TMEM132B: variants seen among roughly 807,000 people sequenced by gnomAD.
TMEM132B encodes transmembrane protein 132B.
TMEM132B carries 18 observed loss-of-function variants against 90.8 expected under a neutral mutation model. The observed-to-expected ratio is 0.20, with a 90% CI of 0.14 to 0.29. TMEM132B has a LOEUF of 0.29. TMEM132B is among the 10% of genes least tolerant of loss of function. The pLI is 1.00. For synonymous variants in TMEM132B, 504 were observed against 523.3 expected, an observed-to-expected ratio of 0.96 and a Z score of 0.50; for missense variants, 1,096 against 1,326.8, an observed-to-expected ratio of 0.83 and a Z score of 2.70.
intron 1 of TMEM132B, among the ~76,000 whole-genome samples, chr12:125,195,717 A>G (rs940117680): frequency 1.3e-5 from 2 of 152,032 alleles, no homozygotes; most frequent in African/African-American, 4.8e-5. Flanking sequence ...AGTTTTATAC[A>G]GCAGAGTCAG....
chr12:125,530,743 G>T (rs949421868), intron 4 of TMEM132B, among the ~76,000 whole-genome samples: 7 of 152,204 alleles, frequency 4.6e-5, no homozygotes, highest in African/African-American at 1.7e-4. Flanking sequence ...AGCTGTGTGT[G>T]TGTGTCTGTG....
chr12:125,338,488 G>T (rs1164463988), intron 1 of TMEM132B, among the ~76,000 whole-genome samples: 1 of 152,166 alleles, frequency 6.6e-6, no homozygotes, highest in African/African-American at 2.4e-5. Context: ...AAGCATTCTG[G>T]TTTTTCCTGA....
chr12:125,528,417 C>T (rs1289664210), intron 4 of TMEM132B, among the ~76,000 whole-genome samples: 1 of 152,252 alleles, frequency 6.6e-6, no homozygotes, highest in East Asian at 1.9e-4. Flanking sequence ...GGGCTCAGCA[C>T]AGGCTACAAT....
At chr12:125,651,593 G>A (rs1886925597) in intron 7 of TMEM132B, among the ~76,000 whole-genome samples, 2 of 152,164 alleles carry the variant, frequency 1.3e-5, no homozygotes, top group South Asian at 4.1e-4. Flanking sequence ...TATGTTCTGT[G>A]TTTTCTATTC....
chr12:125,590,948 T>TC (rs1318077731), intron 5 of TMEM132B, among the ~76,000 whole-genome samples: 7 of 152,184 alleles, frequency 4.6e-5, no homozygotes, highest in African/African-American at 9.7e-5. Flanking sequence ...TCCTATGACC[T>TC]CAACCTCTGT....
intron 1 of TMEM132B, among the ~76,000 whole-genome samples, chr12:125,294,706 G>T (rs539301761): frequency 5.3e-5 from 8 of 152,326 alleles, no homozygotes; most frequent in Admixed American, 5.2e-4. Flanking sequence ...GCCCAAGGTG[G>T]TAAGCAGCCA....
intron 3 of TMEM132B, among the ~76,000 whole-genome samples, chr12:125,479,350 C>A (rs531081063): frequency 6.6e-6 from 1 of 152,280 alleles, no homozygotes; most frequent in South Asian, 2.1e-4. Flanking sequence ...CATTAGTGTG[C>A]TGTATTTAGG....
At chr12:125,212,013 G>A (rs907779557) in intron 1 of TMEM132B, among the ~76,000 whole-genome samples, 1 of 152,224 alleles carries the variant, frequency 6.6e-6, no homozygotes, top group Non-Finnish European at 1.5e-5. Context: ...AGAATGTGTG[G>A]ATTTGGTCAC....
At chr12:125,474,147 C>T (rs1423252069) in intron 3 of TMEM132B, among the ~76,000 whole-genome samples, 1 of 147,656 alleles carries the variant, frequency 6.8e-6, no homozygotes, top group Non-Finnish European at 1.5e-5. Context: ...TCTCGCCTTC[C>T]TGCCTTCTTT....
chr12:125,539,286 CT>C (rs1232558703), intron 4 of TMEM132B, among the ~76,000 whole-genome samples: 1 of 152,196 alleles, frequency 6.6e-6, no homozygotes, highest in Non-Finnish European at 1.5e-5. Context: ...GGCCTCCTTT[CT>C]TTTCTGGAAT....
chr12:125,615,064 C>T (rs919087874), intron 5 of TMEM132B, among the ~76,000 whole-genome samples: 2 of 152,002 alleles, frequency 1.3e-5, no homozygotes, highest in Non-Finnish European at 2.9e-5. Flanking sequence ...TTCTCTTATA[C>T]AAGATGAGTC....
Position 125,415,561 on chromosome 12 carries a change from G to C in TMEM132B, c.990G>C (p.Thr330=). Residue 330 remains threonine, a synonymous_variant, in exon 3 of 9, where the codon ACG becomes ACC. Coordinates refer to ENST00000682704, the MANE Select transcript of TMEM132B (RefSeq NM_001366854.1). The surrounding 1 kb of genome is among the most constrained non-coding windows in gnomAD (Gnocchi z 5.3). ...RIKAAAGVKI[T]AVRVSSEDQW... is the part of the protein sequence containing the mutation. ...AGGCGGCAGCAGGTGTGAAGATAAC[G>C]GCAGTGAGAGTCAGCAGTGAGGACC... The C allele has an allele frequency of 6.2e-7, 1 of 1,614,152 alleles. No homozygotes were observed. Among genetic ancestry groups the C allele is most frequent in the Non-Finnish European group, 8.5e-7 (1 of 1,180,022 alleles).
intron 2 of TMEM132B, among the ~76,000 whole-genome samples, chr12:125,378,111 G>A (rs1426463797): frequency 1.3e-5 from 2 of 152,186 alleles, no homozygotes; most frequent in East Asian, 1.9e-4. Context: ...GTGACACTGA[G>A]TATGGAGTGA....
chr12:125,654,657 G>T lies in TMEM132B; in HGVS notation c.3199G>T (p.Gly1067Trp), dbSNP rs1887016546. Residue 1067 changes from glycine to tryptophan, a missense_variant, in exon 9 of 9, where the codon GGG becomes TGG. Transcript: ENST00000682704. The surrounding 1 kb of genome is among the most constrained non-coding windows in gnomAD (Gnocchi z 5.8). ...IKWVCQDMGL[G>W]DSQDFRDYME... Reference sequence around the variant, plus strand: ...GTGGGTCTGCCAAGATATGGGGCTGGGGGATTCACAGGACTTTAGAGACTA... The same window carrying T: ...GTGGGTCTGCCAAGATATGGGGCTGTGGGATTCACAGGACTTTAGAGACTA... 1.9e-6 allele frequency: 3 copies of T among 1,614,050 alleles called. No individual in the cohort carries two copies. Among genetic ancestry groups the T allele is most frequent in the Non-Finnish European group, 2.5e-6 (3 of 1,180,054 alleles).
At chr12:125,254,700 T>G (rs1236864786) in intron 1 of TMEM132B, among the ~76,000 whole-genome samples, 1 of 150,144 alleles carries the variant, frequency 6.7e-6, no homozygotes, top group African/African-American at 2.5e-5. Context: ...TTTTTTTTTT[T>G]CAGATGGAGT....
rs1360530171 is a variant in TMEM132B, at chr12:125,566,807, TCTC to T, written c.1294-17038_1294-17036del. Among the ~76,000 whole-genome samples the T allele has an allele frequency of 1.5e-4, 22 of 150,800 alleles. No homozygotes were observed. The East Asian group carries it at 3.1e-3, about 22-fold the overall frequency. On this transcript the variant is annotated intron_variant, in intron 4 of 8. Transcript: ENST00000682704. ...TCTCTCTTTCTCGATTCCTCCTCCT[TCTC>T]CTCCTTCTTCTTCCTCTTCTTCTTC...
intron 5 of TMEM132B, among the ~76,000 whole-genome samples, chr12:125,590,569 C>G (rs1268232640): frequency 6.6e-6 from 1 of 152,194 alleles, no homozygotes; most frequent in Non-Finnish European, 1.5e-5. Context: ...TGGACCTGAT[C>G]CTATCCAAAT....
At chr12:125,391,015 G>T (rs1459559876) in intron 2 of TMEM132B, among the ~76,000 whole-genome samples, 1 of 149,590 alleles carries the variant, frequency 6.7e-6, no homozygotes, top group Non-Finnish European at 1.5e-5. Flanking sequence ...TTCACAGCAG[G>T]ATTAAAACAG....
At chr12:125,515,429 TCA>T (rs1566059892) in intron 3 of TMEM132B, among the ~76,000 whole-genome samples, 1 of 118,324 alleles carries the variant, frequency 8.5e-6, no homozygotes. Flanking sequence ...TCACACACTC[TCA>T]CACATACACA....
Sources: allele counts gnomAD v4.1 joint callset (sites outside exome capture counted in the v4.1 genomes callset), GRCh38; gene constraint gnomAD v4.1.1; non-coding constraint Gnocchi (gnomAD v3.1); transcripts MANE v1.5; gene names NCBI Gene and HGNC (gene_info 2026-07-23, HGNC 2026-07-21).